The following FGF12 variants were observed in gnomAD, a reference collection of about 807,000 sequenced individuals.
FGF12 encodes fibroblast growth factor 12B.
In FGF12, 14 loss-of-function variants were observed where a neutral mutation model predicts 23.6. The observed-to-expected ratio is 0.59, with a 90% CI of 0.39 to 0.93. The LOEUF is 0.93. Among genes scored for constraint, FGF12 ranks in the 40% least tolerant of loss-of-function variants. The pLI is 0.00. For missense variants in FGF12, 175 were observed against 217.8 expected (o/e 0.80, Z 1.24); for synonymous variants, 62 against 77.3 (o/e 0.80, Z 1.04).
At chr3:192,690,778 G>A (rs771804401) in intron 2 of FGF12, among the ~76,000 whole-genome samples, 1 of 151,824 alleles carries the variant, frequency 6.6e-6, no homozygotes, top group Non-Finnish European at 1.5e-5. Flanking sequence ...ATTTAAAAAA[G>A]ACAAGACCCA....
At chr3:192,727,102 A>T (rs982156415) in intron 2 of FGF12, 79 bp downstream of exon 2, 1 of 1,518,336 alleles carries the variant, frequency 6.6e-7, no homozygotes, top group African/African-American at 1.4e-5. Context: ...CTCCCCAAGC[A>T]CTGCAGTCCC....
At chr3:192,588,349 C>CAAAAAAAA (rs1201739223) in intron 2 of FGF12, among the ~76,000 whole-genome samples, 116 of 66,154 alleles carry the variant, frequency 1.8e-3, no homozygotes, top group Non-Finnish European at 2.1e-3. Context: ...CAATCCGTCT[C>CAAAAAAAA]AAAAAAAAAA....
At chr3:192,391,483 C>A (rs1334916822) in intron 2 of FGF12, among the ~76,000 whole-genome samples, 1 of 152,022 alleles carries the variant, frequency 6.6e-6, no homozygotes, top group Non-Finnish European at 1.5e-5. Context: ...GATTATTAAC[C>A]AAATATTACT....
intron 2 of FGF12, among the ~76,000 whole-genome samples, chr3:192,708,109 G>A (rs1276665250): frequency 6.6e-6 from 1 of 152,050 alleles, no homozygotes; most frequent in Non-Finnish European, 1.5e-5. Flanking sequence ...ACAGGCGCCT[G>A]CCACCACACC....
At chr3:192,157,184 T>C (rs915156936) in intron 5 of FGF12, among the ~76,000 whole-genome samples, 1 of 152,216 alleles carries the variant, frequency 6.6e-6, no homozygotes, top group African/African-American at 2.4e-5. Context: ...ACTTGTGAGA[T>C]AGACAGTAGT....
chr3:192,365,055 C>T (rs572571870), intron 2 of FGF12, among the ~76,000 whole-genome samples: 3 of 151,936 alleles, frequency 2.0e-5, no homozygotes, highest in Admixed American at 1.3e-4. Flanking sequence ...GACAAATGCC[C>T]GTTAAATAAT....
chr3:192,460,005 C>G (rs953662368), intron 2 of FGF12, among the ~76,000 whole-genome samples: 10 of 152,032 alleles, frequency 6.6e-5, no homozygotes, highest in African/African-American at 2.4e-4. Context: ...TCAATCTAGT[C>G]TTCGAGTCAT....
chr3:192,464,250 T>C lies in FGF12; in HGVS notation c.14-103712A>G, dbSNP rs76623489. Reference sequence around the variant, plus strand: ...GTGCACCCATCACCCAAGCGGTGTATACTGTACCCAGTGGGTAGTCTTGTA... The same window carrying C: ...GTGCACCCATCACCCAAGCGGTGTACACTGTACCCAGTGGGTAGTCTTGTA... On this transcript the variant is annotated intron_variant, in intron 2 of 5. Coordinates refer to ENST00000445105, the MANE Select transcript of FGF12 (RefSeq NM_004113.6). Among the ~76,000 whole-genome samples the C allele has an allele frequency of 9.7e-3, 1,476 of 152,232 alleles. 26 individuals carry two copies. The highest frequency in any genetic ancestry group is 0.034 in the African/African-American group (1,394 of 41,526).
intron 2 of FGF12, among the ~76,000 whole-genome samples, chr3:192,723,221 G>T (rs1318067205): frequency 2.0e-5 from 3 of 152,016 alleles, no homozygotes; most frequent in African/African-American, 7.3e-5. Flanking sequence ...AGCAGCAAGG[G>T]TATTTAAAAG....
rs572589902 is a variant in FGF12 at position 192,415,732 on chromosome 3, TCACACACACACA to T, written c.14-55206_14-55195del. 9.3e-5 allele frequency among the ~76,000 whole-genome samples: 11 copies of T among 118,054 alleles called. No individual in the cohort carries two copies. In the South Asian group the frequency reaches 1.8e-3, roughly 19 times the overall value. The allele number at this position is 118,054 out of a possible 152,430, so 77.4% of individuals were successfully genotyped here. On this transcript the variant is annotated intron_variant, in intron 2 of 5. Transcript: ENST00000445105. Reference sequence around the variant, plus strand: ...CTGATACTTCTCTTCTCTCTCTCTCTCACACACACACACACACACACACACACACACACACAC... The same window carrying T: ...CTGATACTTCTCTTCTCTCTCTCTCTCACACACACACACACACACACACAC...
At chr3:192,183,474 TC>T (rs1716291746) in intron 4 of FGF12, among the ~76,000 whole-genome samples, 1 of 152,144 alleles carries the variant, frequency 6.6e-6, no homozygotes, top group Non-Finnish European at 1.5e-5. Flanking sequence ...TGATGGTGTG[TC>T]CTCAGAATGA....
chr3:192,170,663 GAAA>G lies in FGF12; in HGVS notation c.229-10_229-8del, dbSNP rs34265167. On this transcript the variant is annotated splice_region_variant and splice_polypyrimidine_tract_variant and intron_variant, in intron 4 of 5. Coordinates refer to ENST00000445105, the MANE Select transcript of FGF12 (RefSeq NM_004113.6). ...ATTCTGGAGTGAAAACATCCTGTAG[GAAA>G]AAAAAAAAAAGACACAAAAAAGAGA... The G allele has an allele frequency of 6.6e-4, 946 of 1,433,876 alleles. No homozygotes were observed. The highest frequency in any genetic ancestry group is 1.5e-3 in the Middle Eastern group (8 of 5,326). The allele number at this position is 1,433,876 out of a possible 1,614,324, so 88.8% of individuals were successfully genotyped here.
intron 4 of FGF12, among the ~76,000 whole-genome samples, chr3:192,230,028 A>T (rs1718942393): frequency 6.6e-6 from 1 of 152,148 alleles, no homozygotes; most frequent in African/African-American, 2.4e-5. Flanking sequence ...ACATCTTTCT[A>T]CTTAAGCTGT....
chr3:192,433,126 T>C (rs1026443617), intron 2 of FGF12, among the ~76,000 whole-genome samples: 23 of 152,184 alleles, frequency 1.5e-4, no homozygotes, highest in African/African-American at 5.3e-4. Flanking sequence ...TGATTCATCA[T>C]TTTTAGATTC....
intron 4 of FGF12, among the ~76,000 whole-genome samples, chr3:192,302,669 TAAAG>T (rs1429748693): frequency 6.6e-6 from 1 of 152,194 alleles, no homozygotes; most frequent in East Asian, 1.9e-4. Context: ...ACAGTGAGCA[TAAAG>T]AGTTTACTGC....
chr3:192,238,766 A>G (rs1719440575), intron 4 of FGF12: 1 of 152,192 alleles, frequency 6.6e-6, no homozygotes, highest in Admixed American at 6.5e-5. Context: ...ACAGGTCCAA[A>G]GTTTACTCTA....
At chr3:192,445,648 C>T (rs1474887920) in intron 2 of FGF12, among the ~76,000 whole-genome samples, 1 of 152,150 alleles carries the variant, frequency 6.6e-6, no homozygotes, top group African/African-American at 2.4e-5. Flanking sequence ...GGGTCTCTCA[C>T]GCTTCTCTTT....
At chr3:192,488,312 T>C (rs1329884093) in intron 2 of FGF12, among the ~76,000 whole-genome samples, 1 of 152,066 alleles carries the variant, frequency 6.6e-6, no homozygotes, top group Non-Finnish European at 1.5e-5. Flanking sequence ...AAATATAACG[T>C]TCATCACTAA....
chr3:192,727,143 A>ATGCAGC, intron 2 of FGF12, 38 bp downstream of exon 2: 1 of 1,567,682 alleles, frequency 6.4e-7, no homozygotes, highest in South Asian at 1.2e-5. Flanking sequence ...CCACACGCAC[A>ATGCAGC]TGCAGCGGGA....
Sources: gnomAD v4.1 joint callset for allele counts (sites outside exome capture counted in the v4.1 genomes callset) on GRCh38, gnomAD v4.1.1 for gene constraint, MANE v1.5 for transcripts, NCBI Gene and HGNC (gene_info 2026-07-23, HGNC 2026-07-21) for gene names.